NETO1: variants seen among roughly 807,000 people sequenced by gnomAD.
The protein encoded by NETO1 is neuropilin and tolloid-like protein 1.
NETO1 carries 26 observed loss-of-function variants against 61.3 expected under a neutral mutation model. The ratio of observed to expected loss-of-function variants is 0.42; its 90% CI spans 0.31 to 0.59. The LOEUF (loss-of-function observed/expected upper bound fraction) is 0.59, where lower values mean the gene tolerates loss of function less well. Among genes scored for constraint, NETO1 ranks in the 20% least tolerant of loss-of-function variants. The probability of loss-of-function intolerance (pLI) is 0.12; values close to 1 mark genes in which losing one functional copy is unlikely to be tolerated. For missense variants in NETO1, 531 were observed against 662.8 expected (o/e 0.80, Z 2.18); for synonymous variants, 225 against 225.8 (o/e 1.00, Z 0.03).
intron 6 of NETO1, among the ~76,000 whole-genome samples, chr18:72,793,215 T>C (rs2072190688): frequency 6.6e-6 from 1 of 152,118 alleles, no homozygotes; most frequent in African/African-American, 2.4e-5. Context: ...AATAAATAAA[T>C]GACTACAAAT....
At chr18:72,793,006 C>A (rs962812330) in intron 6 of NETO1, among the ~76,000 whole-genome samples, 1 of 152,078 alleles carries the variant, frequency 6.6e-6, no homozygotes, top group African/African-American at 2.4e-5. Flanking sequence ...GGGGTCTTTT[C>A]TCTCTCTCTG....
chr18:72,852,835 T>TTC (rs1218928318), intron 4 of NETO1, among the ~76,000 whole-genome samples: 2 of 97,802 alleles, frequency 2.0e-5, no homozygotes, highest in Non-Finnish European at 5.2e-5. Context: ...TTCTTTTTCT[T>TTC]TTTTTTTTTT....
intron 1 of NETO1, 29 bp downstream of exon 1, chr18:72,867,235 C>T (rs2074768549): frequency 1.3e-6 from 2 of 1,530,140 alleles, no homozygotes; most frequent in Non-Finnish European, 1.8e-6. Context: ...GCTCCGGGAG[C>T]GCACGGGCGC....
chr18:72,788,964 A>G (rs904414372), intron 6 of NETO1, among the ~76,000 whole-genome samples: 1 of 152,134 alleles, frequency 6.6e-6, no homozygotes. Flanking sequence ...ATAAGTAAAA[A>G]TTAAATCTGT....
chr18:72,823,549 C>T (rs941100967), intron 4 of NETO1, among the ~76,000 whole-genome samples: 2 of 151,950 alleles, frequency 1.3e-5, no homozygotes, highest in African/African-American at 2.4e-5. Flanking sequence ...CAGTGAACCC[C>T]GAGTGGCCGC....
At chr18:72,780,939 T>G (rs888335488) in intron 7 of NETO1, among the ~76,000 whole-genome samples, 2 of 152,134 alleles carry the variant, frequency 1.3e-5, no homozygotes, top group African/African-American at 4.8e-5. Flanking sequence ...CCTATAAAAC[T>G]AAAATCTTTT....
intron 6 of NETO1, among the ~76,000 whole-genome samples, chr18:72,789,783 T>C (rs1036375833): frequency 6.6e-5 from 10 of 152,276 alleles, no homozygotes; most frequent in African/African-American, 9.6e-5. Flanking sequence ...CTGATTCTCT[T>C]ACTTCCCCTT....
At chr18:72,809,966 C>T (rs911563430) in intron 4 of NETO1, among the ~76,000 whole-genome samples, 1 of 152,098 alleles carries the variant, frequency 6.6e-6, no homozygotes, top group African/African-American at 2.4e-5. Flanking sequence ...GAAAATAATA[C>T]CTTCAGTGTA....
At chr18:72,765,943 A>G (rs2071138818) in intron 7 of NETO1, among the ~76,000 whole-genome samples, 1 of 152,196 alleles carries the variant, frequency 6.6e-6, no homozygotes, top group South Asian at 2.1e-4. Flanking sequence ...ACAGTGGCTA[A>G]CATCTGTAAT....
intron 4 of NETO1, among the ~76,000 whole-genome samples, chr18:72,839,347 A>T (rs913629418): frequency 2.0e-5 from 3 of 152,208 alleles, no homozygotes; most frequent in African/African-American, 7.2e-5. Flanking sequence ...CATCTATACA[A>T]CAGGAACACA....
At chr18:72,789,210 G>GCACA (rs71166426) in intron 6 of NETO1, among the ~76,000 whole-genome samples, 24,623 of 141,242 alleles carry the variant, frequency 0.17, 2,202 homozygotes, top group East Asian at 0.27. Context: ...TAACACACAA[G>GCACA]CACACACACA....
At chr18:72,754,048 T>C (rs916327373) in intron 8 of NETO1, among the ~76,000 whole-genome samples, 8 of 152,046 alleles carry the variant, frequency 5.3e-5, no homozygotes, top group African/African-American at 1.4e-4. Context: ...ACAAATATAA[T>C]TGGAAAAAGG....
At position 72,800,817 on chromosome 18, in the gene NETO1, T is replaced by C. The variant is rs549202993; in HGVS notation, c.470-6413A>G. On this transcript the variant is annotated intron_variant, in intron 4 of 10. Coordinates refer to ENST00000327305, the MANE Select transcript of NETO1 (RefSeq NM_138966.5). ...ACTGAATTTAACATGTCTCTTCCTG[T>C]AAATAATACAGTTACTTTACCCCAA... Among the ~76,000 whole-genome samples, 219 of 152,274 alleles carry C rather than the reference T, an allele frequency of 1.4e-3. 1 individual carries two copies. The highest frequency in any genetic ancestry group is 7.3e-3 in the South Asian group (35 of 4,818).
At chr18:72,805,419 C>T (rs572327550) in intron 4 of NETO1, among the ~76,000 whole-genome samples, 5 of 152,106 alleles carry the variant, frequency 3.3e-5, no homozygotes, top group Non-Finnish European at 7.4e-5. Flanking sequence ...CATTTTAATT[C>T]TTATTTTCAT....
intron 4 of NETO1, among the ~76,000 whole-genome samples, chr18:72,838,655 CTT>C (rs2073830947): frequency 6.6e-6 from 1 of 152,168 alleles, no homozygotes. Context: ...CATGAACTCT[CTT>C]GTTGCACTGT....
chr18:72,859,037 T>C lies in NETO1; in HGVS notation c.258A>G (p.Glu86=). Reference sequence around the variant, plus strand: ...CCCAAGACGGTTCAATAGAGTACTTTTCATCAAAGTAAAGTTCAATGCACT... The same window carrying C: ...CCCAAGACGGTTCAATAGAGTACTTCTCATCAAAGTAAAGTTCAATGCACT... ...PRQCIELYFD[E]KYSIEPSWEC... The change falls in exon 4 of 11, where the codon GAA becomes GAG. Residue 86 remains glutamate, a synonymous_variant. Coordinates refer to ENST00000327305, the MANE Select transcript of NETO1 (RefSeq NM_138966.5). 4 of 1,613,320 alleles carry C rather than the reference T, an allele frequency of 2.5e-6. 1 individual carries two copies. Among genetic ancestry groups the C allele is most frequent in the Non-Finnish European group, 1.7e-6 (2 of 1,179,666 alleles).
intron 4 of NETO1, among the ~76,000 whole-genome samples, chr18:72,815,213 C>T (rs2072994783): frequency 6.6e-6 from 1 of 151,900 alleles, no homozygotes; most frequent in Non-Finnish European, 1.5e-5. Flanking sequence ...GAAAAGTAAG[C>T]AAATATAGTA....
chr18:72,806,854 A>G (rs546413949), intron 4 of NETO1, among the ~76,000 whole-genome samples: 6 of 152,316 alleles, frequency 3.9e-5, no homozygotes, highest in Admixed American at 2.0e-4. Context: ...CTTTACTGAA[A>G]CAATGTCTAA....
rs192521940 is a variant in NETO1 at position 72,799,936 on chromosome 18, G to T, written c.470-5532C>A. Among the ~76,000 whole-genome samples, 814 of 152,324 alleles carry T rather than the reference G, an allele frequency of 5.3e-3. 10 individuals are homozygous for T. The highest frequency in any genetic ancestry group is 5.3e-3 in the Non-Finnish European group (361 of 68,028). The stretch of plus-strand genomic sequence containing the variant: ...CAACAAACTCAATCTGTCACTTCAG[G>T]GGAGAACAAAAACTGTGTTCAAGTC... On this transcript the variant is annotated intron_variant, in intron 4 of 10. Coordinates refer to ENST00000327305, the MANE Select transcript of NETO1 (RefSeq NM_138966.5).
Sources: gnomAD v4.1 joint callset for allele counts (sites outside exome capture counted in the v4.1 genomes callset) on GRCh38, gnomAD v4.1.1 for gene constraint, MANE v1.5 for transcripts, NCBI Gene and HGNC (gene_info 2026-07-23, HGNC 2026-07-21) for gene names.